KHDRBS2: variants seen among roughly 807,000 people sequenced by gnomAD.
KHDRBS2 encodes the protein KH domain-containing, RNA-binding, signal transduction-associated protein 2.
KHDRBS2 carries 26 observed loss-of-function variants against 44.3 expected under a neutral mutation model. That is an observed-to-expected ratio of 0.59 (90% CI 0.43 to 0.81). KHDRBS2 has a LOEUF of 0.81. Ranked by LOEUF, KHDRBS2 falls within the 40% of genes least tolerant of loss-of-function variation. The pLI is 0.00. For missense variants in KHDRBS2, 476 were observed against 433.1 expected (o/e 1.10, Z -0.88); for synonymous variants, 194 against 151.1 (o/e 1.28, Z -2.08).
chr6:61,565,326 C>T, the KHDRBS2 span, among the ~76,000 whole-genome samples: 1 of 151,814 alleles, frequency 6.6e-6, no homozygotes. Context: ...GGGATTACAT[C>T]AAGCTATAAA....
At chr6:61,664,915 T>G in the KHDRBS2 span, among the ~76,000 whole-genome samples, 1 of 151,648 alleles carries the variant, frequency 6.6e-6, no homozygotes, top group African/African-American at 2.4e-5. Flanking sequence ...TTAAAAATAT[T>G]TTGGCTGAGC....
chr6:61,769,529 C>T (rs1012040304), intron 6 of KHDRBS2, among the ~76,000 whole-genome samples: 1 of 152,198 alleles, frequency 6.6e-6, no homozygotes, highest in Non-Finnish European at 1.5e-5. Flanking sequence ...GCACATGGCT[C>T]AGAGGGTCCT....
rs931756846 is a variant in KHDRBS2 at position 61,909,617 on chromosome 6, A to G, written c.484-8246T>C. 2.0e-5 allele frequency among the ~76,000 whole-genome samples: 3 copies of G among 152,010 alleles called. No homozygotes were observed. In the East Asian group the frequency reaches 5.8e-4, roughly 29 times the overall value. Reference sequence around the variant, plus strand: ...GACAAGGCCCTCCCATCGTGACACCATATGGTGTAAACAGTATACACAAAA... The same window carrying G: ...GACAAGGCCCTCCCATCGTGACACCGTATGGTGTAAACAGTATACACAAAA... On this transcript the variant is annotated intron_variant, in intron 4 of 8. Transcript: ENST00000281156.
chr6:61,885,425 C>G (rs1359234253), intron 6 of KHDRBS2, among the ~76,000 whole-genome samples: 1 of 152,082 alleles, frequency 6.6e-6, no homozygotes, highest in East Asian at 1.9e-4. Context: ...TGGCCCAATA[C>G]AATTCAAATC....
intron 4 of KHDRBS2, among the ~76,000 whole-genome samples, chr6:61,922,232 C>T (rs4538689): frequency 0.01 from 1,574 of 152,070 alleles, 27 homozygotes; most frequent in African/African-American, 0.036. Context: ...TAAAAAATTT[C>T]AAAGCAATGG....
chr6:61,610,037 G>C, the KHDRBS2 span, among the ~76,000 whole-genome samples: 1 of 152,044 alleles, frequency 6.6e-6, no homozygotes, highest in Admixed American at 6.6e-5. Context: ...TTAGCTGGGC[G>C]TGGTGGTTGG....
chr6:62,217,164 G>C (rs1218871055), intron 1 of KHDRBS2, among the ~76,000 whole-genome samples: 1 of 151,552 alleles, frequency 6.6e-6, no homozygotes, highest in Non-Finnish European at 1.5e-5. Flanking sequence ...AATGCAGAAG[G>C]AGCAATGTCT....
chr6:62,058,674 T>A (rs931754204), intron 2 of KHDRBS2, among the ~76,000 whole-genome samples: 1 of 151,914 alleles, frequency 6.6e-6, no homozygotes, highest in African/African-American at 2.4e-5. Context: ...GAGAATAGTT[T>A]TATTAGAATA....
chr6:61,870,320 T>A (rs1798478192), intron 6 of KHDRBS2, among the ~76,000 whole-genome samples: 1 of 152,210 alleles, frequency 6.6e-6, no homozygotes, highest in Admixed American at 6.5e-5. Context: ...GTAAGGCTGC[T>A]GTGGCCAGAC....
At chr6:61,638,753 C>T in the KHDRBS2 span, among the ~76,000 whole-genome samples, 1 of 152,052 alleles carries the variant, frequency 6.6e-6, no homozygotes, top group Non-Finnish European at 1.5e-5. Context: ...ATAATTATAG[C>T]TGAGAAGCAG....
chr6:62,058,695 T>C (rs1790890227), intron 2 of KHDRBS2, among the ~76,000 whole-genome samples: 1 of 151,896 alleles, frequency 6.6e-6, no homozygotes, highest in African/African-American at 2.4e-5. Flanking sequence ...GAGTAGAACA[T>C]TATTTTATTC....
At chr6:62,177,345 A>T (rs771572578) in intron 1 of KHDRBS2, 33 bp from the exon 2 acceptor site, 1 of 1,516,758 alleles carries the variant, frequency 6.6e-7, no homozygotes, top group Non-Finnish European at 9.0e-7. Context: ...AAACAAGTGA[A>T]ATGAGGAACA....
the KHDRBS2 span, among the ~76,000 whole-genome samples, chr6:61,650,411 T>G: frequency 1.2e-4 from 3 of 25,800 alleles, no homozygotes; most frequent in African/African-American, 4.8e-4. Flanking sequence ...AAAAAAATGT[T>G]TTTTTTTTTT....
chr6:62,098,308 G>T (rs560363303), intron 2 of KHDRBS2, among the ~76,000 whole-genome samples: 2 of 141,000 alleles, frequency 1.4e-5, no homozygotes, highest in African/African-American at 2.6e-5. Flanking sequence ...ACTCTTTTTA[G>T]AATTTCTTAT....
chr6:61,668,225 T>C, the KHDRBS2 span, among the ~76,000 whole-genome samples: 55 of 151,178 alleles, frequency 3.6e-4, no homozygotes, highest in African/African-American at 1.3e-3. Context: ...AAAATGACTT[T>C]GGTATACCTT....
At chr6:62,188,324 C>A (rs1057351281) in intron 1 of KHDRBS2, among the ~76,000 whole-genome samples, 24 of 152,092 alleles carry the variant, frequency 1.6e-4, no homozygotes, top group African/African-American at 5.3e-4. Flanking sequence ...CTTGCTCCAG[C>A]CCCTGGTAAT....
chr6:61,911,709 T>C (rs141458636), intron 4 of KHDRBS2, among the ~76,000 whole-genome samples: 26 of 152,242 alleles, frequency 1.7e-4, no homozygotes, highest in Non-Finnish European at 2.9e-4. Flanking sequence ...CCTATATTTT[T>C]CCCCAAATTA....
intron 6 of KHDRBS2, among the ~76,000 whole-genome samples, chr6:61,807,135 C>T (rs1177061088): frequency 6.6e-6 from 1 of 151,976 alleles, no homozygotes; most frequent in African/African-American, 2.4e-5. Context: ...TACCATCTCA[C>T]CTAAGTCAGA....
intron 1 of KHDRBS2, among the ~76,000 whole-genome samples, chr6:62,190,139 A>G (rs1824295112): frequency 1.3e-5 from 2 of 152,168 alleles, no homozygotes; most frequent in African/African-American, 4.8e-5. Context: ...GAAGAAAATC[A>G]GGAAAATGTA....
Sources: gnomAD v4.1 joint callset for allele counts (sites outside exome capture counted in the v4.1 genomes callset) on GRCh38, gnomAD v4.1.1 for gene constraint, MANE v1.5 for transcripts, NCBI Gene and HGNC (gene_info 2026-07-23, HGNC 2026-07-21) for gene names.